ANKRD29: variants seen among roughly 807,000 people sequenced by gnomAD.
ANKRD29 encodes ankyrin repeat domain 29, also known as ankyrin repeat domain-containing protein 29.
ANKRD29 carries 32 observed loss-of-function variants against 38.0 expected under a neutral mutation model. That is an observed-to-expected ratio of 0.84 (90% CI 0.64 to 1.13). The LOEUF (loss-of-function observed/expected upper bound fraction) is 1.13, where lower values mean the gene tolerates loss of function less well. Ranked by LOEUF, ANKRD29 falls within the 50% of genes most tolerant of loss-of-function variation. The pLI is 0.00. For synonymous variants in ANKRD29, 135 were observed against 152.4 expected (o/e 0.89, Z 0.84); for missense variants, 357 against 377.9 (o/e 0.94, Z 0.46).
chr18:23,601,009 C>T lies in ANKRD29; in HGVS notation c.*217G>A. 2.2e-6 allele frequency: 1 copy of T among 457,194 alleles called. No homozygotes were observed. Among genetic ancestry groups the T allele is most frequent in the Non-Finnish European group, 3.9e-6 (1 of 254,124 alleles). 28.3% of individuals were successfully genotyped at this position (457,194 alleles called of 1,614,324 possible). ...CCCCGGGAGATGAGTTACAGGACAC[C>T]ATGAGAAGTCCATGGTGAAGGGGCA... On this transcript the variant is annotated 3_prime_UTR_variant, in exon 10 of 10. Transcript: ENST00000592179.
intron 9 of ANKRD29, 148 bp from the exon 10 acceptor site, chr18:23,601,457 A>G: frequency 3.2e-6 from 2 of 616,446 alleles, no homozygotes; most frequent in East Asian, 2.8e-5. Context: ...GGTATTACAA[A>G]TCTTCTTTAA....
At chr18:23,635,583 A>G (rs958272849) in intron 4 of ANKRD29, among the ~76,000 whole-genome samples, 1 of 152,244 alleles carries the variant, frequency 6.6e-6, no homozygotes, top group African/African-American at 2.4e-5. Context: ...ATTCAAAAAC[A>G]CATAACCTGG....
At chr18:23,605,880 T>C (rs2145631117) in intron 9 of ANKRD29, among the ~76,000 whole-genome samples, 1 of 152,214 alleles carries the variant, frequency 6.6e-6, no homozygotes, top group African/African-American at 2.4e-5. Context: ...TTAATAAAAT[T>C]GACATATTTT....
In ANKRD29 at chr18:23,629,915, C is replaced by A; in HGVS notation, c.466G>T (p.Gly156Cys). 6.2e-7 allele frequency: 1 copy of A among 1,614,126 alleles called. No homozygotes were observed. Among genetic ancestry groups the A allele is most frequent in the Non-Finnish European group, 8.5e-7 (1 of 1,180,008 alleles). The change falls in exon 6 of 10, where the codon GGT becomes TGT. Residue 156 changes from glycine to cysteine, a missense_variant. Physicochemically the swap from Gly to Cys is radical, Grantham distance 159. Coordinates refer to ENST00000592179, the MANE Select transcript of ANKRD29 (RefSeq NM_173505.4). ...AGTAATCGAATAACATCCAAGTAAC[C>A]ACCTTGGGCAGCTAGGAAGAGGGCA... ...ATALFLAAQG[G>C]YLDVIRLLLA...
In ANKRD29 at chr18:23,638,862, T is replaced by G. The variant is rs369099636; in HGVS notation, c.317A>C (p.Glu106Ala). The change falls in exon 4 of 10, where the codon GAA becomes GCA. Residue 106 changes from glutamate to alanine, a missense_variant. By Grantham distance (107) the Glu-to-Ala change is moderately radical (BLOSUM62 -1). Transcript: ENST00000592179. The part of the protein sequence containing the change: ...RFLFGFGAST[E>A]FRTKDGGTAL... ...AGGTTATCTCACTTTGGTCCTAAAT[T>G]CAGTGGATGCTCCAAATCCAAAGAG... 1 of 1,609,712 alleles carries G rather than the reference T, an allele frequency of 6.2e-7. No homozygotes were observed.
At chr18:23,656,420 G>T (rs984718282) in intron 1 of ANKRD29, among the ~76,000 whole-genome samples, 1 of 152,060 alleles carries the variant, frequency 6.6e-6, no homozygotes, top group Admixed American at 6.5e-5. Context: ...CAGAGCCTAG[G>T]GCCTATGAGT....
chr18:23,661,652 T>C (rs1005810513), intron 1 of ANKRD29, among the ~76,000 whole-genome samples: 8 of 152,182 alleles, frequency 5.3e-5, no homozygotes, highest in Non-Finnish European at 1.2e-4. Context: ...GAAGTTGCAG[T>C]GAGCTGAGAT....
rs1423981163 is a variant in ANKRD29 at position 23,601,448 on chromosome 18, G to C, written c.823-139C>G. The C allele has an allele frequency of 4.8e-6, 3 of 628,276 alleles. No individual in the cohort carries two copies. In the African/African-American group the frequency reaches 5.6e-5, roughly 12 times the overall value. The allele number at this position is 628,276 out of a possible 1,614,324, so 38.9% of individuals were successfully genotyped here. ...ACTGGACTCACTCTTTTATATAAAGGTATTACAAATCTTCTTTAAATGTAT... is the reference window on the plus strand; with the variant it reads ...ACTGGACTCACTCTTTTATATAAAGCTATTACAAATCTTCTTTAAATGTAT... On this transcript the variant is annotated intron_variant, in intron 9 of 9. Transcript: ENST00000592179.
At chr18:23,660,093 A>G (rs562938855) in intron 1 of ANKRD29, among the ~76,000 whole-genome samples, 31 of 152,392 alleles carry the variant, frequency 2.0e-4, no homozygotes, top group African/African-American at 7.2e-4. Context: ...CCTGGCTGAC[A>G]GAGTGAGACT....
At position 23,629,829 on chromosome 18, in the gene ANKRD29, G is replaced by A. The variant is rs775337068; in HGVS notation, c.528+24C>T. On this transcript the variant is annotated intron_variant, in intron 6 of 9. Coordinates refer to ENST00000592179, the MANE Select transcript of ANKRD29 (RefSeq NM_173505.4). ...CCTGCCCCATGCGCCATGTGCTCGG[G>A]CAAATGTCAACAGTGGACATTACCT... The A allele has an allele frequency of 3.0e-5, 48 of 1,606,896 alleles. No homozygotes were observed. The African/African-American group carries it at 5.7e-4, about 19-fold the overall frequency.
At chr18:23,613,164 A>ATTTTTTTT (rs546475443) in intron 8 of ANKRD29, among the ~76,000 whole-genome samples, 1 of 99,050 alleles carries the variant, frequency 1.0e-5, no homozygotes. Context: ...ACGGGTCAGA[A>ATTTTTTTT]TTTTTTTTTT....
intron 1 of ANKRD29, among the ~76,000 whole-genome samples, chr18:23,661,788 T>G (rs1475992299): frequency 6.6e-6 from 1 of 152,180 alleles, no homozygotes; most frequent in Admixed American, 6.5e-5. Context: ...CCAGTACCAT[T>G]TCTTAAAAAG....
chr18:23,649,203 C>G lies in ANKRD29; in HGVS notation c.22-10G>C, dbSNP rs756332795. On this transcript the variant is annotated splice_polypyrimidine_tract_variant and intron_variant, in intron 1 of 9. Transcript: ENST00000592179. ...CAAGTGGAGTTTCCTTCTGCAAGAA[C>G]AAAATGAAACAGGATCTTAAAATTG... 1 of 1,601,648 alleles carries G rather than the reference C, an allele frequency of 6.2e-7. No individual in the cohort carries two copies. Among genetic ancestry groups the G allele is most frequent in the Non-Finnish European group, 8.5e-7 (1 of 1,171,124 alleles).
intron 1 of ANKRD29, among the ~76,000 whole-genome samples, chr18:23,657,080 A>G (rs2060294161): frequency 6.6e-6 from 1 of 152,182 alleles, no homozygotes; most frequent in South Asian, 2.1e-4. Context: ...TTCAAGACTC[A>G]GGTCGTCCCA....
At chr18:23,652,697 C>T (rs1341824011) in intron 1 of ANKRD29, among the ~76,000 whole-genome samples, 2 of 152,172 alleles carry the variant, frequency 1.3e-5, no homozygotes, top group Admixed American at 1.3e-4. Context: ...AAGCACTTTA[C>T]CAAGCATGCT....
intron 8 of ANKRD29, among the ~76,000 whole-genome samples, chr18:23,616,127 T>TGTATGTATGTATACTCTACACATACC (rs1568013087): frequency 5.1e-5 from 5 of 98,332 alleles, no homozygotes; most frequent in East Asian, 5.1e-4. Flanking sequence ...ACATACCGTA[T>TGTATGTATGTATACTCTACACATACC]GTATGTATGT....
chr18:23,662,784 C>G lies in ANKRD29; in HGVS notation c.-54G>C, dbSNP rs2060385102. ...GCGCTTTGGGCCCGGGGCGCCTTGT[C>G]CTCCCCGGCCCTTCACTCTCCCGGG... On this transcript the variant is annotated 5_prime_UTR_variant, in exon 1 of 10. Transcript: ENST00000592179. The G allele has an allele frequency of 7.1e-7, 1 of 1,409,498 alleles. No homozygotes were observed. The allele number at this position is 1,409,498 out of a possible 1,614,324, so 87.3% of individuals were successfully genotyped here.
chr18:23,631,686 A>G (rs1015348985), intron 5 of ANKRD29, among the ~76,000 whole-genome samples: 4 of 152,160 alleles, frequency 2.6e-5, no homozygotes, highest in African/African-American at 7.2e-5. Context: ...CAACACCTAT[A>G]AACACAAAAA....
At chr18:23,633,953 TA>T in intron 5 of ANKRD29, 97 bp downstream of exon 5, 1 of 1,206,882 alleles carries the variant, frequency 8.3e-7, no homozygotes, top group South Asian at 1.3e-5. Context: ...TACTGTCCAT[TA>T]AAGTATTTTT....
Sources: allele counts gnomAD v4.1 joint callset (sites outside exome capture counted in the v4.1 genomes callset), GRCh38; gene constraint gnomAD v4.1.1; transcripts MANE v1.5; gene names NCBI Gene and HGNC (gene_info 2026-07-23, HGNC 2026-07-21).